The following DMD variants were observed in gnomAD, a reference collection of about 807,000 sequenced individuals.
The protein encoded by DMD is mutant dystrophin.
In DMD, 63 loss-of-function variants were observed where a neutral mutation model predicts 330.1. The ratio of observed to expected loss-of-function variants is 0.19; its 90% CI spans 0.16 to 0.24. The LOEUF (loss-of-function observed/expected upper bound fraction) is 0.24. DMD is among the 10% of genes least tolerant of loss of function. The pLI is 1.00. For missense variants in DMD, 3,344 were observed against 2,684.1 expected, an observed-to-expected ratio of 1.25 and a Z score of -5.43; for synonymous variants, 1,223 against 959.8, an observed-to-expected ratio of 1.27 and a Z score of -5.07.
chrX:32,426,137 A>T (rs111306311), intron 29 of DMD, among the ~76,000 whole-genome samples: 3,813 of 112,000 alleles, frequency 0.034, 98 homozygotes, highest in African/African-American at 0.096. Flanking sequence ...AGACCTAATT[A>T]AATTACACAA....
At chrX:33,196,164 A>G (rs1453824983) in intron 1 of DMD, among the ~76,000 whole-genome samples, 1 of 111,982 alleles carries the variant, frequency 8.9e-6, no homozygotes, top group Non-Finnish European at 1.9e-5. Flanking sequence ...TGGAAGAGAC[A>G]TGGTGATAGT....
intron 7 of DMD, among the ~76,000 whole-genome samples, chrX:32,772,030 C>T (rs16990678): frequency 0.046 from 5,183 of 111,744 alleles, 308 homozygotes; most frequent in African/African-American, 0.16. Context: ...CACCTGAAAC[C>T]GGTACAGAAG....
At chrX:33,000,534 A>C (rs963160274) in intron 2 of DMD, among the ~76,000 whole-genome samples, 5 of 111,832 alleles carry the variant, frequency 4.5e-5, no homozygotes, top group Admixed American at 9.5e-5. Context: ...TTCCTGACTT[A>C]GTCAGAATAT....
chrX:31,780,978 G>A (rs747647692), intron 50 of DMD, among the ~76,000 whole-genome samples: 3 of 111,731 alleles, frequency 2.7e-5, no homozygotes, highest in Non-Finnish European at 3.8e-5. Context: ...TGGGAGCTAT[G>A]GATTTTTAAA....
At chrX:33,044,088 CA>C (rs1311335949) in intron 1 of DMD, among the ~76,000 whole-genome samples, 2 of 111,283 alleles carry the variant, frequency 1.8e-5, no homozygotes, top group Non-Finnish European at 3.8e-5. Context: ...GGCGTTCCTA[CA>C]GACCAATTTG....
intron 54 of DMD, among the ~76,000 whole-genome samples, chrX:31,637,123 C>A (rs575737298): frequency 2.7e-5 from 3 of 111,638 alleles, no homozygotes; most frequent in Non-Finnish European, 3.8e-5. Context: ...ACCAACTGAA[C>A]GATGAATTAA....
At chrX:33,141,064 A>C (rs1472177087) in intron 1 of DMD, among the ~76,000 whole-genome samples, 1 of 111,893 alleles carries the variant, frequency 8.9e-6, no homozygotes, top group African/African-American at 3.2e-5. Context: ...TCTTTCCAAC[A>C]AACCTAAAAT....
At chrX:33,293,203 G>A (rs922949283) in intron 1 of DMD, among the ~76,000 whole-genome samples, 7 of 111,412 alleles carry the variant, frequency 6.3e-5, no homozygotes, top group Admixed American at 2.9e-4. Context: ...ACCTGTCAGT[G>A]CCTAATATAG....
At chrX:32,806,570 A>AACTC (rs1259494701) in intron 7 of DMD, among the ~76,000 whole-genome samples, 1 of 111,525 alleles carries the variant, frequency 9.0e-6, no homozygotes, top group Non-Finnish European at 1.9e-5. Flanking sequence ...TCAGTACTTG[A>AACTC]ACTCAGCTCT....
chrX:31,974,368 T>C (rs1437747081), intron 44 of DMD, among the ~76,000 whole-genome samples: 1 of 111,277 alleles, frequency 9.0e-6, no homozygotes, highest in East Asian at 2.8e-4. Flanking sequence ...CTCAGCATCA[T>C]GCGCTATTCC....
At chrX:31,431,797 T>C (rs2064106991) in intron 60 of DMD, among the ~76,000 whole-genome samples, 1 of 96,433 alleles carries the variant, frequency 1.0e-5, no homozygotes, top group South Asian at 4.2e-4. Flanking sequence ...ATTTTCTTTC[T>C]TTTCTTTTCT....
At chrX:32,467,806 A>G (rs1210236599) in intron 23 of DMD, among the ~76,000 whole-genome samples, 1 of 109,613 alleles carries the variant, frequency 9.1e-6, no homozygotes, top group African/African-American at 3.3e-5. Flanking sequence ...TTAATTCTGA[A>G]CTTCTGACCT....
At chrX:32,987,133 T>G (rs2092864639) in intron 2 of DMD, among the ~76,000 whole-genome samples, 1 of 112,191 alleles carries the variant, frequency 8.9e-6, no homozygotes, top group African/African-American at 3.2e-5. Context: ...TCACTTTTAT[T>G]TTTGCTCCAT....
At chrX:32,006,527 T>A (rs1167066622) in intron 44 of DMD, among the ~76,000 whole-genome samples, 2 of 111,614 alleles carry the variant, frequency 1.8e-5, no homozygotes, top group Non-Finnish European at 3.8e-5. Context: ...ACAGTGAGAC[T>A]TTTTAGTAAT....
chrX:32,901,417 TAC>T (rs2086231057), intron 2 of DMD, among the ~76,000 whole-genome samples: 1 of 111,675 alleles, frequency 9.0e-6, no homozygotes, highest in Non-Finnish European at 1.9e-5. Context: ...CTTCTTAAAC[TAC>T]AGTCAGCCAA....
rs182670582 is a variant in DMD, at chrX:32,634,487, C to T, written c.1331+9645G>A. Among the ~76,000 whole-genome samples the T allele has an allele frequency of 5.6e-3, 633 of 112,298 alleles. 4 individuals carry two copies. Among genetic ancestry groups the T allele is most frequent in the African/African-American group, 0.018 (563 of 30,921 alleles). On this transcript the variant is annotated intron_variant, in intron 11 of 78. Transcript: ENST00000357033. ...AGCTCTGAGTCTCACCCAATACCCA[C>T]AGCAAGTACTGCCTGGCTACAGCTG...
intron 17 of DMD, among the ~76,000 whole-genome samples, chrX:32,540,898 T>A (rs1464459522): frequency 9.0e-6 from 1 of 111,515 alleles, no homozygotes; most frequent in African/African-American, 3.3e-5. Flanking sequence ...GGTATCTGGA[T>A]TTATGGGAAT....
intron 7 of DMD, among the ~76,000 whole-genome samples, chrX:32,753,653 C>G (rs1297570768): frequency 8.9e-6 from 1 of 112,012 alleles, no homozygotes; most frequent in Admixed American, 9.5e-5. Flanking sequence ...GATGCTTTGT[C>G]AGAGCAAAGG....
intron 44 of DMD, among the ~76,000 whole-genome samples, chrX:32,129,439 CAA>C (rs1218405675): frequency 9.0e-6 from 1 of 110,883 alleles, no homozygotes; most frequent in Non-Finnish European, 1.9e-5. Context: ...TAATGTTTTT[CAA>C]AAGTTTCATG....
Sources: gnomAD v4.1 joint callset for allele counts (sites outside exome capture counted in the v4.1 genomes callset) on GRCh38, gnomAD v4.1.1 for gene constraint, MANE v1.5 for transcripts, NCBI Gene and HGNC (gene_info 2026-07-23, HGNC 2026-07-21) for gene names.